ZNF710: variants seen among roughly 807,000 people sequenced by gnomAD.
ZNF710 encodes the protein zinc finger protein 710.
Under a neutral mutation model 50.6 loss-of-function variants are expected in ZNF710, and 13 were observed. The ratio of observed to expected loss-of-function variants is 0.26; its 90% CI spans 0.17 to 0.41. The LOEUF (loss-of-function observed/expected upper bound fraction) is 0.41, where lower values mean the gene tolerates loss of function less well. ZNF710 is among the 10% of genes least tolerant of loss of function. The pLI is 1.00. For synonymous variants in ZNF710, 383 were observed against 397.0 expected (o/e 0.96, Z 0.42); for missense variants, 721 against 936.6 (o/e 0.77, Z 3.01).
chr15:90,063,813 C>T (rs925010778), intron 1 of ZNF710, among the ~76,000 whole-genome samples: 4 of 152,114 alleles, frequency 2.6e-5, no homozygotes, highest in Non-Finnish European at 5.9e-5. Flanking sequence ...CTTATGCCCG[C>T]GCCCTTGAGG....
intron 1 of ZNF710, among the ~76,000 whole-genome samples, chr15:90,066,613 T>A (rs1900177604): frequency 6.6e-6 from 1 of 151,644 alleles, no homozygotes; most frequent in Non-Finnish European, 1.5e-5. Flanking sequence ...ATAGCTGGGA[T>A]TACAGGTGCC....
At chr15:90,070,138 T>A (rs920995758) in intron 2 of ZNF710, among the ~76,000 whole-genome samples, 3 of 152,106 alleles carry the variant, frequency 2.0e-5, no homozygotes, top group African/African-American at 7.2e-5. Context: ...AACCAGCAAT[T>A]TGTAGGTTTC....
chr15:90,013,729 A>T lies in ZNF710; in HGVS notation c.-29+12115A>T, dbSNP rs146401410. Among the ~76,000 whole-genome samples, 245 of 152,268 alleles carry T rather than the reference A, an allele frequency of 1.6e-3. 2 individuals carry two copies. Among genetic ancestry groups the T allele is most frequent in the African/African-American group, 5.4e-3 (226 of 41,536 alleles). On this transcript the variant is annotated intron_variant, in intron 1 of 4. Transcript: ENST00000268154. ...CGCTCTCCTTTGTCCCATTGTCGCT[A>T]TATTGCCAAATGCCTTCTCTCGATT...
In ZNF710 at chr15:90,068,289, C is replaced by T. The variant is rs147080007; in HGVS notation, c.1152C>T (p.Cys384=). Residue 384 remains cysteine, a synonymous_variant, in exon 2 of 5, where the codon TGC becomes TGT. Transcript: ENST00000268154. This position sits in a 1 kb window ranked among gnomAD's most constrained non-coding sequence, Gnocchi z 5.0. ...TCAAGCCCTACAGCTGCCACTTCTG[C>T]GGCCGCGGCTTCGCCTACCCCAGCG... The part of the protein sequence containing the change: ...SEVKPYSCHF[C]GRGFAYPSEL... The T allele has an allele frequency of 0.013, 21,110 of 1,612,980 alleles. 194 individuals carry two copies. Among genetic ancestry groups the T allele is most frequent in the Non-Finnish European group, 0.014 (16,957 of 1,180,002 alleles).
chr15:90,011,329 G>A (rs1229731215), intron 1 of ZNF710, among the ~76,000 whole-genome samples: 5 of 152,152 alleles, frequency 3.3e-5, no homozygotes, highest in African/African-American at 7.2e-5. Context: ...GGCTGGTCTC[G>A]AACTCCTGGC....
At chr15:90,032,927 T>C (rs1898992356) in intron 1 of ZNF710, among the ~76,000 whole-genome samples, 1 of 152,000 alleles carries the variant, frequency 6.6e-6, no homozygotes, top group Admixed American at 6.6e-5. Flanking sequence ...AAAAAAAGTG[T>C]GTGTTTGAAA....
Position 90,079,874 on chromosome 15 carries a change from G to T in ZNF710, c.*45G>T, listed in dbSNP as rs1320731860. 2.6e-6 allele frequency: 4 copies of T among 1,544,862 alleles called. No homozygotes were observed. Among genetic ancestry groups the T allele is most frequent in the Middle Eastern group, 2.2e-4 (1 of 4,626 alleles). On this transcript the variant is annotated 3_prime_UTR_variant, in exon 5 of 5. Transcript: ENST00000268154. ...AACGGGGGCCGGGGGCGAGGGCATG[G>T]GGGTGAGACCCATGGGCTGCAGGCT...
chr15:90,031,027 A>AAAC (rs1567226806), intron 1 of ZNF710, among the ~76,000 whole-genome samples: 1 of 150,118 alleles, frequency 6.7e-6, no homozygotes, highest in African/African-American at 2.5e-5. Flanking sequence ...TCAAAAAAAA[A>AAAC]GAAAAAAAAA....
chr15:90,009,926 G>A (rs1308350960), intron 1 of ZNF710, among the ~76,000 whole-genome samples: 7 of 151,962 alleles, frequency 4.6e-5, no homozygotes, highest in East Asian at 1.9e-4. Context: ...CTGACTGCCC[G>A]GTGGCCCATC....
chr15:90,046,762 G>T (rs1899475279), intron 1 of ZNF710, among the ~76,000 whole-genome samples: 1 of 152,200 alleles, frequency 6.6e-6, no homozygotes, highest in South Asian at 2.1e-4. Context: ...TTGGGGAAAA[G>T]GCTGTCCTCC....
chr15:90,007,012 G>C (rs1567217810), intron 1 of ZNF710, among the ~76,000 whole-genome samples: 2 of 152,112 alleles, frequency 1.3e-5, no homozygotes, highest in African/African-American at 2.4e-5. Flanking sequence ...CCCCTGTGTT[G>C]CTGTTGATGG....
At chr15:90,049,393 C>T (rs1899567840) in intron 1 of ZNF710, among the ~76,000 whole-genome samples, 1 of 152,220 alleles carries the variant, frequency 6.6e-6, no homozygotes, top group Non-Finnish European at 1.5e-5. Context: ...CAGTCAGTCG[C>T]ACCGCAGGCA....
At chr15:90,015,945 T>C (rs753125855) in intron 1 of ZNF710, among the ~76,000 whole-genome samples, 3 of 152,132 alleles carry the variant, frequency 2.0e-5, no homozygotes, top group Non-Finnish European at 2.9e-5. Context: ...TAATAAAGAA[T>C]GGACACGCCC....
At chr15:90,041,933 T>C (rs1278421557) in intron 1 of ZNF710, among the ~76,000 whole-genome samples, 4 of 150,316 alleles carry the variant, frequency 2.7e-5, no homozygotes, top group African/African-American at 7.4e-5. Context: ...AGTTTCGCTC[T>C]GTTGCCCAGG....
rs1483538463 is a variant in ZNF710, at chr15:90,067,536, A to G, written c.399A>G (p.Ala133=). 15 of 1,612,802 alleles carry G rather than the reference A, an allele frequency of 9.3e-6. No individual in the cohort carries two copies. The highest frequency in any genetic ancestry group is 1.3e-5 in the Non-Finnish European group (15 of 1,179,364). Residue 133 remains alanine (A), a synonymous_variant, in exon 2 of 5, where the codon GCA becomes GCG. Coordinates refer to ENST00000268154, the MANE Select transcript of ZNF710 (RefSeq NM_198526.4). The surrounding 1 kb of genome is among the most constrained non-coding windows in gnomAD (Gnocchi z 8.1). ...CTGTGCCAGGTGACGACAAGGACGC[A>G]GGGCCAGCAGAAGCCCCCGCCGAGG... ...EVSVPGDDKD[A]GPAEAPAEAA...
At chr15:90,069,264 C>T (rs959705114) in intron 2 of ZNF710, among the ~76,000 whole-genome samples, 2 of 151,352 alleles carry the variant, frequency 1.3e-5, no homozygotes, top group East Asian at 1.9e-4. Context: ...AAACATTAGC[C>T]GGGTGTGGTG....
At chr15:90,023,852 A>C (rs1336736768) in intron 1 of ZNF710, among the ~76,000 whole-genome samples, 1 of 152,198 alleles carries the variant, frequency 6.6e-6, no homozygotes, top group Non-Finnish European at 1.5e-5. Context: ...CAAAAAAATT[A>C]GCTGGACATA....
At chr15:90,013,364 A>G (rs1898365758) in intron 1 of ZNF710, among the ~76,000 whole-genome samples, 1 of 152,130 alleles carries the variant, frequency 6.6e-6, no homozygotes, top group African/African-American at 2.4e-5. Flanking sequence ...TGGCCTCCCA[A>G]AGTACTGGTA....
intron 1 of ZNF710, among the ~76,000 whole-genome samples, chr15:90,002,806 T>A (rs1898047850): frequency 6.6e-6 from 1 of 152,244 alleles, no homozygotes; most frequent in Non-Finnish European, 1.5e-5. Flanking sequence ...TTAACCAACC[T>A]GAAAGGGTCA....
Sources: allele counts gnomAD v4.1 joint callset (sites outside exome capture counted in the v4.1 genomes callset), GRCh38; gene constraint gnomAD v4.1.1; non-coding constraint Gnocchi (gnomAD v3.1); transcripts MANE v1.5; gene names NCBI Gene and HGNC (gene_info 2026-07-23, HGNC 2026-07-21).